Variants in TAOK3 observed in about 807,000 individuals in gnomAD.
TAOK3 encodes serine/threonine-protein kinase TAO3.
TAOK3 carries 40 observed loss-of-function variants against 120.4 expected under a neutral mutation model. The observed-to-expected ratio is 0.33, with a 90% CI of 0.26 to 0.43. The LOEUF (loss-of-function observed/expected upper bound fraction) is 0.43, where lower values mean the gene tolerates loss of function less well. TAOK3 is among the 20% of genes least tolerant of loss of function. The probability of loss-of-function intolerance (pLI) is 1.00; values close to 1 mark genes in which losing one functional copy is unlikely to be tolerated. For missense variants in TAOK3, 821 were observed against 1,112.1 expected (o/e 0.74, Z 3.72); for synonymous variants, 355 against 387.5 (o/e 0.92, Z 0.99).
At chr12:118,354,949 T>C (rs2045331662) in intron 1 of TAOK3, among the ~76,000 whole-genome samples, 1 of 151,942 alleles carries the variant, frequency 6.6e-6, no homozygotes, top group Non-Finnish European at 1.5e-5. Flanking sequence ...TAATTAGCTA[T>C]CTGGGAGGCC....
chr12:118,151,196 C>T, intron 20 of TAOK3, 38 bp from the exon 21 acceptor site: 1 of 1,604,158 alleles, frequency 6.2e-7, no homozygotes, highest in Non-Finnish European at 8.5e-7. Flanking sequence ...TGGAAAGCAT[C>T]TCCTAACAGG....
intron 1 of TAOK3, among the ~76,000 whole-genome samples, chr12:118,300,170 T>A (rs1343156354): frequency 6.6e-6 from 1 of 152,196 alleles, no homozygotes; most frequent in Non-Finnish European, 1.5e-5. Flanking sequence ...TCTTTAGAAC[T>A]AGAGACAGCA....
chr12:118,162,578 G>C (rs949870724), intron 17 of TAOK3, among the ~76,000 whole-genome samples: 2 of 152,010 alleles, frequency 1.3e-5, no homozygotes, highest in African/African-American at 4.8e-5. Context: ...AATGTTCTTA[G>C]CTTTCTGGGA....
intron 3 of TAOK3, chr12:118,246,161 C>A: frequency 1.4e-6 from 2 of 1,437,310 alleles, no homozygotes; most frequent in Non-Finnish European, 1.9e-6. Flanking sequence ...GTGGCTTCCG[C>A]GGAGGTTTCG....
At chr12:118,197,224 A>G (rs2037774716) in intron 13 of TAOK3, among the ~76,000 whole-genome samples, 1 of 152,026 alleles carries the variant, frequency 6.6e-6, no homozygotes, top group Admixed American at 6.6e-5. Context: ...ATGTGTTTTG[A>G]TTTTCTTCCA....
chr12:118,319,322 A>G (rs1022410013), intron 1 of TAOK3, among the ~76,000 whole-genome samples: 2 of 152,232 alleles, frequency 1.3e-5, no homozygotes, highest in African/African-American at 2.4e-5. Context: ...ATTGGACTTT[A>G]CTAAAATTCA....
chr12:118,250,843 A>G (rs1488200111), intron 3 of TAOK3, among the ~76,000 whole-genome samples: 1 of 152,222 alleles, frequency 6.6e-6, no homozygotes, highest in Non-Finnish European at 1.5e-5. Context: ...TCCCTGAAGA[A>G]ATGAGGTTTA....
At chr12:118,166,853 C>T (rs1239045804) in intron 17 of TAOK3, among the ~76,000 whole-genome samples, 1 of 151,012 alleles carries the variant, frequency 6.6e-6, no homozygotes, top group Admixed American at 6.6e-5. Context: ...CACATACACA[C>T]ACACACACAC....
intron 1 of TAOK3, among the ~76,000 whole-genome samples, chr12:118,348,270 C>G (rs1166782124): frequency 6.6e-6 from 1 of 152,186 alleles, no homozygotes; most frequent in Non-Finnish European, 1.5e-5. Flanking sequence ...CTTTAAAGGA[C>G]ATGGACCTTT....
chr12:118,363,941 G>A (rs2045675926), intron 1 of TAOK3, among the ~76,000 whole-genome samples: 1 of 152,124 alleles, frequency 6.6e-6, no homozygotes, highest in Non-Finnish European at 1.5e-5. Context: ...GACCAACATG[G>A]AGAAACCTTG....
rs751402724 is a variant in TAOK3, at chr12:118,233,661, ACT to A, written c.643+11_643+12del. 2 of 1,563,264 alleles carry A rather than the reference ACT, an allele frequency of 1.3e-6. No homozygotes were observed. The highest frequency in any genetic ancestry group is 4.5e-5 in the East Asian group (2 of 44,448). On this transcript the variant is annotated intron_variant, in intron 9 of 20. Transcript: ENST00000392533. ...TTAAAAAATACAATGAAAACAAATA[ACT>A]CTTTACTCACCCAATTCAATACAAG...
chr12:118,182,714 G>A (rs990971302), intron 14 of TAOK3, among the ~76,000 whole-genome samples: 1 of 147,930 alleles, frequency 6.8e-6, no homozygotes, highest in African/African-American at 2.5e-5. Flanking sequence ...CTAATATGAA[G>A]AGGTGAGTAT....
rs115727026 is a variant in TAOK3 at position 118,219,558 on chromosome 12, A to C, written c.644-5448T>G. On this transcript the variant is annotated intron_variant, in intron 9 of 20. Transcript: ENST00000392533. ...GTCTCCTATTAGATTTTGTCATTGC[A>C]AATTATATTTTTTGCTTTCTTCCAC... is the stretch of plus-strand genomic sequence containing the variant. 8.7e-3 allele frequency among the ~76,000 whole-genome samples: 1,319 copies of C among 151,932 alleles called. 12 individuals carry two copies. The highest frequency in any genetic ancestry group is 0.029 in the African/African-American group (1,216 of 41,422).
chr12:118,319,693 C>G (rs2043621598), intron 1 of TAOK3, among the ~76,000 whole-genome samples: 1 of 151,750 alleles, frequency 6.6e-6, no homozygotes, highest in Admixed American at 6.6e-5. Context: ...AACCAGAAAA[C>G]AACAAGTGTT....
chr12:118,197,109 A>C (rs2037768547), intron 13 of TAOK3, among the ~76,000 whole-genome samples: 1 of 152,208 alleles, frequency 6.6e-6, no homozygotes, highest in Non-Finnish European at 1.5e-5. Flanking sequence ...TACAAGAACT[A>C]AATGGATTTC....
intron 1 of TAOK3, among the ~76,000 whole-genome samples, chr12:118,312,579 A>G (rs768721874): frequency 6.6e-6 from 1 of 152,232 alleles, no homozygotes; most frequent in Non-Finnish European, 1.5e-5. Context: ...AAGCATCACA[A>G]CCTACAAATG....
intron 1 of TAOK3, among the ~76,000 whole-genome samples, chr12:118,307,997 A>T (rs1200037184): frequency 1.3e-5 from 2 of 152,046 alleles, no homozygotes; most frequent in African/African-American, 4.8e-5. Flanking sequence ...AAAAATAACA[A>T]CATTAAACAG....
In TAOK3 at chr12:118,246,408, A is replaced by T. The variant is rs562635460; in HGVS notation, c.121-1443T>A. 6 of 1,515,522 alleles carry T rather than the reference A, an allele frequency of 4.0e-6. No individual in the cohort carries two copies. The East Asian group carries it at 1.4e-4, about 35-fold the overall frequency. The allele number at this position is 1,515,522 out of a possible 1,614,324, so 93.9% of individuals were successfully genotyped here. A position where few individuals can be genotyped will look rare whatever the true frequency, so the allele number is the denominator to read the frequency against. ...CTCTCTCAAGGATGAGGTTTTGAAG[A>T]TTATGCCAGTGCAGAAGCAGACCCG... On this transcript the variant is annotated intron_variant, in intron 3 of 20. Transcript: ENST00000392533.
chr12:118,165,808 T>C (rs932492670), intron 17 of TAOK3, among the ~76,000 whole-genome samples: 3 of 152,274 alleles, frequency 2.0e-5, no homozygotes, highest in African/African-American at 4.8e-5. Context: ...AGGGAATACA[T>C]GGCATATAAT....
Sources: allele counts gnomAD v4.1 joint callset (sites outside exome capture counted in the v4.1 genomes callset), GRCh38; gene constraint gnomAD v4.1.1; transcripts MANE v1.5; gene names NCBI Gene and HGNC (gene_info 2026-07-23, HGNC 2026-07-21).